Variants in PPIC observed in about 807,000 individuals in gnomAD.
PPIC encodes the protein peptidylprolyl isomerase C.
PPIC carries 19 observed loss-of-function variants against 19.5 expected under a neutral mutation model. The observed-to-expected ratio is 0.98, with a 90% CI of 0.68 to 1.43. PPIC has a LOEUF of 1.43. Ranked by LOEUF, PPIC falls within the 40% of genes most tolerant of loss-of-function variation. The probability of loss-of-function intolerance (pLI) is 0.00; values close to 1 mark genes in which losing one functional copy is unlikely to be tolerated. For missense variants in PPIC, 268 were observed against 268.6 expected, an observed-to-expected ratio of 1.00 and a Z score of 0.02; for synonymous variants, 107 against 101.2, an observed-to-expected ratio of 1.06 and a Z score of -0.34.
Position 123,026,072 on chromosome 5 carries a change from A to T in PPIC, c.326-104T>A, listed in dbSNP as rs896099932. The T allele has an allele frequency of 2.8e-5, 28 of 982,530 alleles. No individual in the cohort carries two copies. In the African/African-American group the frequency reaches 4.5e-4, roughly 16 times the overall value. The allele number at this position is 982,530 out of a possible 1,614,324, so 60.9% of individuals were successfully genotyped here. A position where few individuals can be genotyped will look rare whatever the true frequency, so the allele number is the denominator to read the frequency against. On this transcript the variant is annotated intron_variant, in intron 3 of 4. Transcript: ENST00000306442. ...GAATCAATTACTAGAACCCTATAGG[A>T]GGTAGGGATGGGGAAGACATGTTCA... is the stretch of plus-strand genomic sequence containing the variant.
At position 123,036,466 on chromosome 5, in the gene PPIC, C is replaced by T. The variant is rs754518636; in HGVS notation, c.117+43G>A. ...CAGTATCCAAAGCGCCCCCAGGGCC[C>T]CGCCCGCAACAGGGGAAGTTGCAGC... On this transcript the variant is annotated intron_variant, in intron 1 of 4. Coordinates refer to ENST00000306442, the MANE Select transcript of PPIC (RefSeq NM_000943.5). This position sits in a 1 kb window ranked among gnomAD's most constrained non-coding sequence, Gnocchi z 4.5. The T allele has an allele frequency of 6.4e-7, 1 of 1,558,740 alleles. No individual in the cohort carries two copies. The highest frequency in any genetic ancestry group is 2.3e-5 in the East Asian group (1 of 44,136).
intron 4 of PPIC, 97 bp from the exon 5 acceptor site, chr5:123,024,100 A>C (rs186272431): frequency 6.9e-7 from 1 of 1,455,470 alleles, no homozygotes; most frequent in African/African-American, 1.4e-5. Context: ...CCAAGTGGGA[A>C]GGAAATAAGG....
At chr5:123,028,109 G>A (rs139404608) in intron 3 of PPIC, among the ~76,000 whole-genome samples, 1,662 of 152,286 alleles carry the variant, frequency 0.011, 15 homozygotes, top group Middle Eastern at 0.051. Flanking sequence ...GGGTCCTGAC[G>A]AAACCACCAC....
Position 123,035,382 on chromosome 5 carries a change from T to A in PPIC, c.117+1127A>T, listed in dbSNP as rs144981642. Among the ~76,000 whole-genome samples the A allele has an allele frequency of 3.2e-4, 48 of 152,308 alleles. 1 individual carries two copies. The East Asian group carries it at 8.3e-3, about 26-fold the overall frequency. Reference sequence around the variant, plus strand: ...ACCATTTCCCAAAGTTAGACATGCCTACAAGATCAAGAGGCTGGGAGTAAG... The same window carrying A: ...ACCATTTCCCAAAGTTAGACATGCCAACAAGATCAAGAGGCTGGGAGTAAG... On this transcript the variant is annotated intron_variant, in intron 1 of 4. Coordinates refer to ENST00000306442, the MANE Select transcript of PPIC (RefSeq NM_000943.5).
At chr5:123,035,395 G>A (rs754558203) in intron 1 of PPIC, among the ~76,000 whole-genome samples, 1 of 152,118 alleles carries the variant, frequency 6.6e-6, no homozygotes. Context: ...AAGATCAAGA[G>A]GCTGGGAGTA....
At chr5:123,033,682 C>G (rs1217538156) in intron 1 of PPIC, among the ~76,000 whole-genome samples, 2 of 152,160 alleles carry the variant, frequency 1.3e-5, no homozygotes, top group Non-Finnish European at 2.9e-5. Flanking sequence ...ATGTGCAAAG[C>G]CCTCCCAGGT....
intron 3 of PPIC, among the ~76,000 whole-genome samples, chr5:123,027,067 G>A (rs1469892358): frequency 2.6e-5 from 4 of 152,018 alleles, no homozygotes; most frequent in South Asian, 2.1e-4. Flanking sequence ...GGTGGCGGGC[G>A]CCTGCAATCC....
At chr5:123,035,464 G>A (rs1762993781) in intron 1 of PPIC, among the ~76,000 whole-genome samples, 1 of 152,064 alleles carries the variant, frequency 6.6e-6, no homozygotes, top group African/African-American at 2.4e-5. Flanking sequence ...AACGTGGCAC[G>A]GCCTTTCTGC....
At chr5:123,032,169 A>ACTT (rs933686621) in intron 1 of PPIC, among the ~76,000 whole-genome samples, 51 of 152,316 alleles carry the variant, frequency 3.3e-4, no homozygotes, top group African/African-American at 1.1e-3. Context: ...AGCAAACATG[A>ACTT]CTTAGTGGTG....
chr5:123,032,281 T>C (rs1449991149), intron 1 of PPIC, among the ~76,000 whole-genome samples: 1 of 152,062 alleles, frequency 6.6e-6, no homozygotes, highest in African/African-American at 2.4e-5. Flanking sequence ...ATGAGAAAAG[T>C]GGGAATTAGG....
At position 123,036,640 on chromosome 5, in the gene PPIC, G is replaced by GCGGCGCTACCGGCACGGGCGCTAC; in HGVS notation, c.-39_-16dup. ...CCCGGGCCCATGGTGAGCGGTGGCA[G>GCGGCGCTACCGGCACGGGCGCTAC]CGGCGCTACCGGCACGGGCGCTACC... On this transcript the variant is annotated 5_prime_UTR_variant, in exon 1 of 5. Coordinates refer to ENST00000306442, the MANE Select transcript of PPIC (RefSeq NM_000943.5). This position sits in a 1 kb window ranked among gnomAD's most constrained non-coding sequence, Gnocchi z 4.5. 1 of 1,567,846 alleles carries GCGGCGCTACCGGCACGGGCGCTAC rather than the reference G, an allele frequency of 6.4e-7. No homozygotes were observed. Among genetic ancestry groups the GCGGCGCTACCGGCACGGGCGCTAC allele is most frequent in the Non-Finnish European group, 8.6e-7 (1 of 1,157,282 alleles).
chr5:123,036,665 C>A lies in PPIC; in HGVS notation c.-40G>T, dbSNP rs1304107056. 1.3e-6 allele frequency: 2 copies of A among 1,509,844 alleles called. No individual in the cohort carries two copies. The highest frequency in any genetic ancestry group is 1.8e-6 in the Non-Finnish European group (2 of 1,113,412). The allele number at this position is 1,509,844 out of a possible 1,614,324, so 93.5% of individuals were successfully genotyped here. A position where few individuals can be genotyped will look rare whatever the true frequency, so the allele number is the denominator to read the frequency against. ...GCGGCGCTACCGGCACGGGCGCTAC[C>A]GGCACGGGCGCGACACAGGCTCTGG... On this transcript the variant is annotated 5_prime_UTR_variant, in exon 1 of 5. Coordinates refer to ENST00000306442, the MANE Select transcript of PPIC (RefSeq NM_000943.5). The surrounding 1 kb of genome is among the most constrained non-coding windows in gnomAD (Gnocchi z 4.5).
At chr5:123,029,114 A>C (rs976202619) in intron 2 of PPIC, 191 bp downstream of exon 2, 4 of 1,064,444 alleles carry the variant, frequency 3.8e-6, no homozygotes, top group African/African-American at 3.2e-5. Context: ...CTTGATGATG[A>C]TTTTCTCCCA....
At position 123,029,346 on chromosome 5, in the gene PPIC, G is replaced by A. The variant is rs1384586815; in HGVS notation, c.190C>T (p.Pro64Ser). ...GCAACAAAATTTTCCACTGTCTTGG[G>A]CACAACTTTTCCAAAGAGGCCAATC... ...IVIGLFGKVVPKTVENFVALA... is the reference protein window; with the variant it reads ...IVIGLFGKVVSKTVENFVALA... The change falls in exon 2 of 5, where the codon CCC (proline) becomes TCC (serine). Residue 64 changes from proline (P) to serine (S), a missense_variant. Pro to Ser is a moderately conservative substitution (Grantham distance 74). Coordinates refer to ENST00000306442, the MANE Select transcript of PPIC (RefSeq NM_000943.5). The A allele has an allele frequency of 6.2e-7, 1 of 1,612,712 alleles. No homozygotes were observed. The highest frequency in any genetic ancestry group is 1.1e-5 in the South Asian group (1 of 90,736).
chr5:123,023,815 C>CACACACACAA lies in PPIC; in HGVS notation c.*59_*60insTTGTGTGTGT. On this transcript the variant is annotated 3_prime_UTR_variant, in exon 5 of 5. Transcript: ENST00000306442. The stretch of plus-strand genomic sequence containing the variant: ...TAATTGAAAGACAACACAACACACA[C>CACACACACAA]ACACACACACACACACACACACCCC... 6.4e-7 allele frequency: 1 copy of CACACACACAA among 1,555,622 alleles called. No homozygotes were observed. The highest frequency in any genetic ancestry group is 8.7e-7 in the Non-Finnish European group (1 of 1,147,876).
intron 3 of PPIC, among the ~76,000 whole-genome samples, chr5:123,026,697 TCAA>T (rs1323922432): frequency 6.6e-6 from 1 of 152,140 alleles, no homozygotes; most frequent in East Asian, 1.9e-4. Flanking sequence ...CACCCAGTGG[TCAA>T]CCTTGAACAG....
chr5:123,023,710 A>T lies in PPIC; in HGVS notation c.*165T>A. 8.9e-7 allele frequency: 1 copy of T among 1,125,252 alleles called. No homozygotes were observed. The highest frequency in any genetic ancestry group is 1.2e-6 in the Non-Finnish European group (1 of 866,728). 69.7% of individuals were successfully genotyped at this position (1,125,252 alleles called of 1,614,324 possible). On this transcript the variant is annotated 3_prime_UTR_variant, in exon 5 of 5. Transcript: ENST00000306442. ...TGGTTTACTAAAGTTCAAGCAAACT[A>T]AAGGGTGACGGTTTGATTTTTATAA...
At chr5:123,027,409 A>G (rs973509058) in intron 3 of PPIC, among the ~76,000 whole-genome samples, 1 of 152,226 alleles carries the variant, frequency 6.6e-6, no homozygotes, top group Admixed American at 6.5e-5. Context: ...AGGTAGCAGA[A>G]AAGAGGGCAG....
At chr5:123,032,132 G>C (rs1762952998) in intron 1 of PPIC, among the ~76,000 whole-genome samples, 1 of 152,222 alleles carries the variant, frequency 6.6e-6, no homozygotes, top group Admixed American at 6.5e-5. Context: ...AGACACTGGA[G>C]GAGGAGCAGG....
Sources: gnomAD v4.1 joint callset for allele counts (sites outside exome capture counted in the v4.1 genomes callset) on GRCh38, gnomAD v4.1.1 for gene constraint, Gnocchi (gnomAD v3.1) non-coding constraint, MANE v1.5 for transcripts, NCBI Gene and HGNC (gene_info 2026-07-23, HGNC 2026-07-21) for gene names.